CBX7: variants seen among roughly 807,000 people sequenced by gnomAD.
The protein encoded by CBX7 is chromobox protein homolog 7.
CBX7 carries 14 observed loss-of-function variants against 31.4 expected under a neutral mutation model. That is an observed-to-expected ratio of 0.45 (90% confidence interval 0.29 to 0.70). CBX7 has a LOEUF of 0.70. Among genes scored for constraint, CBX7 ranks in the 30% least tolerant of loss-of-function variants. The pLI, the probability that CBX7 is intolerant of heterozygous loss-of-function variation, is 0.11. For missense variants in CBX7, 269 were observed against 351.9 expected, an observed-to-expected ratio of 0.76 and a Z score of 1.89; for synonymous variants, 159 against 152.6, an observed-to-expected ratio of 1.04 and a Z score of -0.31.
intron 2 of CBX7, chr22:39,147,622 C>A (rs897146704): frequency 1.3e-5 from 2 of 151,616 alleles, no homozygotes; most frequent in African/African-American, 4.8e-5. Context: ...CCAGAGTGAA[C>A]CTCTGTTTCC....
chr22:39,149,476 G>A (rs1323865060), intron 2 of CBX7: 8 of 478,610 alleles, frequency 1.7e-5, no homozygotes, highest in Non-Finnish European at 2.6e-5. Context: ...TAGCCCGGAT[G>A]CTGGGCCTTC....
At chr22:39,147,683 C>T (rs1281039373) in intron 2 of CBX7, 2 of 152,236 alleles carry the variant, frequency 1.3e-5, no homozygotes, top group Non-Finnish European at 2.9e-5. Context: ...ACTCCCAGAC[C>T]GTGGTGGCAC....
intron 4 of CBX7, 197 bp from the exon 5 acceptor site, chr22:39,134,949 C>G (rs968829101): frequency 3.7e-5 from 21 of 560,548 alleles, no homozygotes; most frequent in Middle Eastern, 4.6e-4. Flanking sequence ...CAGGGTCGGC[C>G]AGCTCAGCCC....
chr22:39,134,402 C>T lies in CBX7; in HGVS notation c.597G>A (p.Glu199=). 6.3e-7 allele frequency: 1 copy of T among 1,597,510 alleles called. No individual in the cohort carries two copies. The highest frequency in any genetic ancestry group is 2.2e-5 in the East Asian group (1 of 44,826). The change falls in exon 5 of 6, where the codon GAG becomes GAA. Residue 199 remains glutamate, a splice_region_variant and synonymous_variant. Transcript: ENST00000216133. ...GTCTCTGGGCTGGGGCCGCCTTACC[C>T]TCCTCTTCAGGGGGCTGCGCAGCAG... ...WEPAAQPPEE[E]ADADLAEGPP... is the part of the protein sequence containing the mutation.
rs562845308 is a variant in CBX7, at chr22:39,134,950, A to C, written c.247-198T>G. 3.1e-4 allele frequency: 172 copies of C among 558,520 alleles called. 2 individuals are homozygous for C. The South Asian group carries it at 3.7e-3, about 12-fold the overall frequency. The allele number at this position is 558,520 out of a possible 1,614,324, so 34.6% of individuals were successfully genotyped here. ...GCCCCGGGCAACCCCAGGGTCGGCC[A>C]GCTCAGCCCTGCCTCTGGGCCCCAC... On this transcript the variant is annotated intron_variant, in intron 4 of 5. Transcript: ENST00000216133.
At chr22:39,138,573 G>C in intron 4 of CBX7, 63 bp downstream of exon 4, 3 of 1,468,896 alleles carry the variant, frequency 2.0e-6, no homozygotes, top group Non-Finnish European at 2.9e-6. Context: ...AATGCACCAA[G>C]GGGCAGAGGG....
intron 1 of CBX7, 26 bp from the exon 2 acceptor site, chr22:39,149,858 G>GT: frequency 6.2e-7 from 1 of 1,609,108 alleles, no homozygotes; most frequent in Non-Finnish European, 8.5e-7. Flanking sequence ...AGCAGACACA[G>GT]TGAGTCTCGT....
chr22:39,145,046 C>T lies in CBX7; in HGVS notation c.114-3610G>A, dbSNP rs923194158. 2.6e-5 allele frequency among the ~76,000 whole-genome samples: 4 copies of T among 152,306 alleles called. 1 individual carries two copies. The highest frequency in any genetic ancestry group is 2.9e-5 in the Non-Finnish European group (2 of 68,010). ...GTCTGGGACCCCCGACTGTGCAGCC[C>T]GCGGGAGGGGGCGTCGCCCCCTCTC... is the stretch of plus-strand genomic sequence containing the variant. On this transcript the variant is annotated intron_variant, in intron 2 of 5. Transcript: ENST00000216133.
chr22:39,131,426 A>T lies in CBX7; in HGVS notation c.*2465T>A, dbSNP rs1930034118. 1 of 152,780 alleles carries T rather than the reference A, an allele frequency of 6.5e-6. No homozygotes were observed. Among genetic ancestry groups the T allele is most frequent in the Non-Finnish European group, 1.5e-5 (1 of 68,208 alleles). The allele number at this position is 152,780 out of a possible 1,614,324, so 9.5% of individuals were successfully genotyped here. A position where few individuals can be genotyped will look rare whatever the true frequency, so the allele number is the denominator to read the frequency against. On this transcript the variant is annotated 3_prime_UTR_variant, in exon 6 of 6. Coordinates refer to ENST00000216133, the MANE Select transcript of CBX7 (RefSeq NM_175709.5). Reference sequence around the variant, plus strand: ...TACTGGGCCACTCTGGGCTGGAAGGAGGCCTGCACGGCCACAGCCGTAGGT... The same window carrying T: ...TACTGGGCCACTCTGGGCTGGAAGGTGGCCTGCACGGCCACAGCCGTAGGT...
intron 2 of CBX7, among the ~76,000 whole-genome samples, chr22:39,145,261 G>A (rs533225599): frequency 6.6e-6 from 1 of 152,264 alleles, no homozygotes; most frequent in East Asian, 1.9e-4. Context: ...GGACCCAGCC[G>A]GTAAGGAGGA....
At chr22:39,134,087 A>C (rs1930152406) in intron 5 of CBX7, 39 bp from the exon 6 acceptor site, 3 of 1,556,430 alleles carry the variant, frequency 1.9e-6, no homozygotes, top group East Asian at 2.3e-5. Context: ...AGCGTTGACA[A>C]GGTGGGAAGC....
Position 39,152,433 on chromosome 22 carries a change from T to A in CBX7, c.12A>T (p.Ser4=). Residue 4 remains serine (S), a synonymous_variant, in exon 1 of 6, where the codon TCA becomes TCT. Transcript: ENST00000216133. The surrounding 1 kb of genome is among the most constrained non-coding windows in gnomAD (Gnocchi z 4.9). MEL[S]AIGEQVFAVE... ...CGGCGAACACCTGCTCGCCGATGGC[T>A]GACAGCTCCATGCGGGGCGGCGGGC... 1 of 1,293,712 alleles carries A rather than the reference T, an allele frequency of 7.7e-7. No homozygotes were observed. The highest frequency in any genetic ancestry group is 9.9e-7 in the Non-Finnish European group (1 of 1,009,862). The allele number at this position is 1,293,712 out of a possible 1,614,324, so 80.1% of individuals were successfully genotyped here.
intron 1 of CBX7, among the ~76,000 whole-genome samples, chr22:39,150,443 G>A (rs568415344): frequency 7.9e-5 from 12 of 152,184 alleles, no homozygotes; most frequent in Non-Finnish European, 1.5e-4. Context: ...GTGGTTGTTA[G>A]AAAGTAGAGC....
intron 4 of CBX7, 32 bp downstream of exon 4, chr22:39,138,604 G>T: frequency 6.2e-7 from 1 of 1,609,670 alleles, no homozygotes; most frequent in Non-Finnish European, 8.5e-7. Flanking sequence ...TTGGGCAGGG[G>T]GAGAAAGGAG....
Position 39,143,086 on chromosome 22 carries a change from T to A in CBX7, c.114-1650A>T, listed in dbSNP as rs1930516564. On this transcript the variant is annotated intron_variant, in intron 2 of 5. Transcript: ENST00000216133. ...CTGGCCAACGTGGAGAAACCCCATC[T>A]CTACTAAAAATACAAAAATTAGCCA... is the stretch of plus-strand genomic sequence containing the variant. Among the ~76,000 whole-genome samples the A allele has an allele frequency of 1.3e-5, 2 of 152,034 alleles. 1 individual carries two copies. The highest frequency in any genetic ancestry group is 4.8e-5 in the African/African-American group (2 of 41,380).
At chr22:39,147,741 T>C (rs901110892) in intron 2 of CBX7, 3 of 152,234 alleles carry the variant, frequency 2.0e-5, no homozygotes, top group Non-Finnish European at 4.4e-5. Flanking sequence ...TTGGCAGTTA[T>C]ATTTTTTTAA....
chr22:39,140,464 A>G (rs541200133), intron 3 of CBX7, among the ~76,000 whole-genome samples: 214 of 152,332 alleles, frequency 1.4e-3, no homozygotes, highest in South Asian at 2.5e-3. Flanking sequence ...TTTTGAATCC[A>G]TGGCAGGAAA....
rs1930049232 is a variant in CBX7, at chr22:39,131,744, A to T, written c.*2147T>A. On this transcript the variant is annotated 3_prime_UTR_variant, in exon 6 of 6. Transcript: ENST00000216133. ...AATCCACAGACCCACAGATTGCGCA[A>T]ATAGTTCTTTGAAAGTGACCAGGAA... 6.6e-6 allele frequency: 1 copy of T among 152,288 alleles called. No individual in the cohort carries two copies. The highest frequency in any genetic ancestry group is 1.5e-5 in the Non-Finnish European group (1 of 68,078). 9.4% of individuals were successfully genotyped at this position (152,288 alleles called of 1,614,324 possible). A position where few individuals can be genotyped will look rare whatever the true frequency, so the allele number is the denominator to read the frequency against.
At chr22:39,149,753 GCAGA>G (rs569975189) in intron 2 of CBX7, 32 bp downstream of exon 2, 39 of 1,604,444 alleles carry the variant, frequency 2.4e-5, no homozygotes, top group Admixed American at 5.0e-5. Flanking sequence ...GGGTCGGTAG[GCAGA>G]CAGACAGACA....
Sources: gnomAD v4.1 joint callset for allele counts (sites outside exome capture counted in the v4.1 genomes callset) on GRCh38, gnomAD v4.1.1 for gene constraint, Gnocchi (gnomAD v3.1) non-coding constraint, MANE v1.5 for transcripts, NCBI Gene and HGNC (gene_info 2026-07-23, HGNC 2026-07-21) for gene names.